MTHFD1L: variants seen among roughly 807,000 people sequenced by gnomAD.
The protein encoded by MTHFD1L is monofunctional C1-tetrahydrofolate synthase, mitochondrial.
MTHFD1L carries 81 observed loss-of-function variants against 119.5 expected under a neutral mutation model. That is an observed-to-expected ratio of 0.68 (90% CI 0.57 to 0.82). MTHFD1L has a LOEUF of 0.82. Ranked by LOEUF, MTHFD1L falls within the 40% of genes least tolerant of loss-of-function variation. MTHFD1L has a pLI of 0.00. For missense variants in MTHFD1L, 1,125 were observed against 1,253.4 expected (o/e 0.90, Z 1.55); for synonymous variants, 430 against 475.2 (o/e 0.90, Z 1.24).
chr6:151,036,096 C>A (rs1234153983), intron 25 of MTHFD1L, among the ~76,000 whole-genome samples: 1 of 152,160 alleles, frequency 6.6e-6, no homozygotes, highest in African/African-American at 2.4e-5. Flanking sequence ...ATTTCATTCC[C>A]TTTATCTCTA....
chr6:150,985,016 G>A (rs775217638), intron 20 of MTHFD1L: 1 of 152,064 alleles, frequency 6.6e-6, no homozygotes, highest in African/African-American at 2.4e-5. Context: ...CCAAATCTAG[G>A]TTTCTCCAAT....
intron 13 of MTHFD1L, among the ~76,000 whole-genome samples, chr6:150,940,793 C>T (rs1441572620): frequency 2.0e-5 from 3 of 151,964 alleles, no homozygotes; most frequent in South Asian, 2.1e-4. Context: ...TTGGTCAGGC[C>T]GGTCTTGAAC....
At chr6:151,002,499 CG>C (rs1266997994) in intron 20 of MTHFD1L, among the ~76,000 whole-genome samples, 3 of 152,132 alleles carry the variant, frequency 2.0e-5, no homozygotes, top group African/African-American at 7.2e-5. Context: ...AGCGGTAAGG[CG>C]GACAGCTGCC....
chr6:151,033,714 A>G (rs748764560), intron 24 of MTHFD1L, among the ~76,000 whole-genome samples: 11 of 152,122 alleles, frequency 7.2e-5, no homozygotes, highest in African/African-American at 2.4e-4. Context: ...TGATTTTCCA[A>G]TATAGTGTTT....
chr6:150,995,152 GA>G (rs1779648201), intron 20 of MTHFD1L, among the ~76,000 whole-genome samples: 1 of 151,990 alleles, frequency 6.6e-6, no homozygotes, highest in African/African-American at 2.4e-5. Flanking sequence ...TGGACTTAGG[GA>G]TGGGGGAGGG....
rs1158007442 is a variant in MTHFD1L at position 151,026,820 on chromosome 6, C to CTTTTTTTT, written c.2587-7653_2587-7646dup. 2.7e-4 allele frequency among the ~76,000 whole-genome samples: 14 copies of CTTTTTTTT among 51,284 alleles called. 4 individuals are homozygous for CTTTTTTTT. The highest frequency in any genetic ancestry group is 3.9e-4 in the Non-Finnish European group (12 of 31,038). 33.6% of individuals were successfully genotyped at this position (51,284 alleles called of 152,430 possible). A position where few individuals can be genotyped will look rare whatever the true frequency, so the allele number is the denominator to read the frequency against. On this transcript the variant is annotated intron_variant, in intron 24 of 27. Transcript: ENST00000367321. The stretch of plus-strand genomic sequence containing the variant: ...TGAGATTTTTCCTGTCCTTTCTATC[C>CTTTTTTTT]TTTTTTTTTTTTTTTTTTTTTTTTT...
At chr6:150,889,723 G>A (rs1025124696) in intron 7 of MTHFD1L, among the ~76,000 whole-genome samples, 2 of 152,188 alleles carry the variant, frequency 1.3e-5, no homozygotes, top group African/African-American at 2.4e-5. Flanking sequence ...GGTAAAAAGT[G>A]CCAGTTAGCC....
intron 26 of MTHFD1L, among the ~76,000 whole-genome samples, chr6:151,042,427 T>C (rs1787278758): frequency 1.3e-5 from 2 of 152,200 alleles, no homozygotes; most frequent in Admixed American, 1.3e-4. Context: ...AAGCAAGTTG[T>C]TTTTTAAGGT....
chr6:150,891,100 C>G (rs1305641532), intron 7 of MTHFD1L, among the ~76,000 whole-genome samples: 1 of 152,180 alleles, frequency 6.6e-6, no homozygotes, highest in Non-Finnish European at 1.5e-5. Context: ...ATTCTTCTGC[C>G]TCAGCCTCCT....
chr6:151,072,561 G>A (rs191057125), intron 26 of MTHFD1L, among the ~76,000 whole-genome samples: 12 of 151,968 alleles, frequency 7.9e-5, no homozygotes, highest in East Asian at 1.9e-4. Flanking sequence ...AGGCTGAGGC[G>A]GCAGATCACT....
chr6:151,050,403 C>A (rs571110316), intron 26 of MTHFD1L, among the ~76,000 whole-genome samples: 1 of 152,180 alleles, frequency 6.6e-6, no homozygotes, highest in Non-Finnish European at 1.5e-5. Flanking sequence ...CTTAGGTGAC[C>A]CGCCCGCCTT....
chr6:150,917,833 A>C (rs1320144110), intron 8 of MTHFD1L, among the ~76,000 whole-genome samples: 1 of 152,182 alleles, frequency 6.6e-6, no homozygotes, highest in Admixed American at 6.5e-5. Context: ...CCTAATCTGC[A>C]GTCTATGTTG....
intron 4 of MTHFD1L, among the ~76,000 whole-genome samples, chr6:150,881,416 T>C (rs1344359667): frequency 2.0e-5 from 3 of 152,230 alleles, no homozygotes; most frequent in Non-Finnish European, 4.4e-5. Flanking sequence ...TTATTCCGTA[T>C]TTTTCTTTGG....
At chr6:150,983,175 C>T (rs1562493571) in intron 20 of MTHFD1L, among the ~76,000 whole-genome samples, 1 of 152,154 alleles carries the variant, frequency 6.6e-6, no homozygotes, top group South Asian at 2.1e-4. Flanking sequence ...ATTCCGAATA[C>T]GAATACTTTG....
intron 8 of MTHFD1L, among the ~76,000 whole-genome samples, chr6:150,916,500 G>GTTTTTTT (rs1491386770): frequency 2.0e-5 from 1 of 51,040 alleles, no homozygotes; most frequent in African/African-American, 1.1e-4. Flanking sequence ...TTTTTTTTTT[G>GTTTTTTT]GTATTTTTAG....
chr6:151,099,737 C>T (rs546275460), intron 27 of MTHFD1L: 2 of 1,610,118 alleles, frequency 1.2e-6, no homozygotes, highest in Admixed American at 3.3e-5. Context: ...CACATGCTGC[C>T]CAGTGGCTTC....
chr6:150,994,635 C>A (rs1257615110), intron 20 of MTHFD1L, among the ~76,000 whole-genome samples: 1 of 152,094 alleles, frequency 6.6e-6, no homozygotes, highest in Non-Finnish European at 1.5e-5. Context: ...ACCAGCCCAC[C>A]CTTTCATTCT....
At chr6:151,020,392 AG>A (rs1459551730) in intron 24 of MTHFD1L, among the ~76,000 whole-genome samples, 1 of 152,208 alleles carries the variant, frequency 6.6e-6, no homozygotes, top group African/African-American at 2.4e-5. Flanking sequence ...GCGAGCTCAC[AG>A]GTTAAGTGAG....
intron 26 of MTHFD1L, among the ~76,000 whole-genome samples, chr6:151,080,508 G>C (rs1269625194): frequency 1.3e-5 from 2 of 152,200 alleles, no homozygotes; most frequent in Non-Finnish European, 2.9e-5. Context: ...AGAGTGTTCT[G>C]TGTATAGAAG....
Sources: allele counts gnomAD v4.1 joint callset (sites outside exome capture counted in the v4.1 genomes callset), GRCh38; gene constraint gnomAD v4.1.1; transcripts MANE v1.5; gene names NCBI Gene and HGNC (gene_info 2026-07-23, HGNC 2026-07-21).